GRIA1: variants seen among roughly 807,000 people sequenced by gnomAD.
GRIA1 encodes glutamate ionotropic receptor AMPA type subunit 1.
In GRIA1, 31 loss-of-function variants were observed where a neutral mutation model predicts 99.2. That is an observed-to-expected ratio of 0.31 (90% CI 0.23 to 0.42). The LOEUF (loss-of-function observed/expected upper bound fraction) is 0.42. Among genes scored for constraint, GRIA1 ranks in the 10% least tolerant of loss-of-function variants. The pLI is 1.00. For missense variants in GRIA1, 782 were observed against 1,157.5 expected (o/e 0.68, Z 4.71); for synonymous variants, 438 against 432.4 (o/e 1.01, Z -0.16).
intron 4 of GRIA1, among the ~76,000 whole-genome samples, chr5:153,655,353 C>G (rs566579503): frequency 1.9e-4 from 29 of 152,340 alleles, no homozygotes; most frequent in African/African-American, 7.0e-4. Flanking sequence ...TCTGACCATT[C>G]ATCCACCATC....
intron 11 of GRIA1, among the ~76,000 whole-genome samples, chr5:153,729,302 T>G (rs1005776711): frequency 2.0e-5 from 3 of 151,878 alleles, no homozygotes; most frequent in African/African-American, 7.3e-5. Flanking sequence ...AGTTAATGGG[T>G]GCAGCACACC....
intron 5 of GRIA1, among the ~76,000 whole-genome samples, chr5:153,661,725 T>C (rs1369827503): frequency 6.6e-6 from 1 of 152,232 alleles, no homozygotes; most frequent in Non-Finnish European, 1.5e-5. Flanking sequence ...TGCACCTACA[T>C]ATCAAATGTA....
chr5:153,619,588 G>A (rs1021882426), intron 2 of GRIA1, among the ~76,000 whole-genome samples: 6 of 152,070 alleles, frequency 3.9e-5, no homozygotes, highest in Non-Finnish European at 7.4e-5. Context: ...GAGCCAAATG[G>A]AAGGCTTATA....
At chr5:153,547,418 C>T (rs1242804273) in intron 2 of GRIA1, among the ~76,000 whole-genome samples, 10 of 152,122 alleles carry the variant, frequency 6.6e-5, no homozygotes, top group Admixed American at 5.9e-4. Flanking sequence ...GGAATATTTG[C>T]TAAGGATGGG....
Position 153,738,720 on chromosome 5 carries a change from C to CTTTTTTTTTTTTTTTTT in GRIA1, c.1824-25712_1824-25696dup, listed in dbSNP as rs55874747. On this transcript the variant is annotated intron_variant, in intron 11 of 15. Coordinates refer to ENST00000285900, the MANE Select transcript of GRIA1 (RefSeq NM_000827.4). ...TGTTGCGTGTTCATCTCCATACCTT[C>CTTTTTTTTTTTTTTTTT]TTTTTTTTTTTTTTTTTTGGAGAAG... is the stretch of plus-strand genomic sequence containing the variant. Among the ~76,000 whole-genome samples the CTTTTTTTTTTTTTTTTT allele has an allele frequency of 5.9e-4, 60 of 102,342 alleles. 5 individuals carry two copies. The highest frequency in any genetic ancestry group is 1.9e-3 in the African/African-American group (48 of 24,714). The allele number at this position is 102,342 out of a possible 152,430, so 67.1% of individuals were successfully genotyped here.
chr5:153,711,089 G>A (rs781017233), intron 11 of GRIA1, among the ~76,000 whole-genome samples: 10 of 152,182 alleles, frequency 6.6e-5, no homozygotes, highest in African/African-American at 2.2e-4. Context: ...TCAAGAGAAC[G>A]GAGGTTTGAG....
intron 2 of GRIA1, among the ~76,000 whole-genome samples, chr5:153,560,202 T>C (rs1488188295): frequency 6.6e-6 from 1 of 152,198 alleles, no homozygotes; most frequent in Non-Finnish European, 1.5e-5. Flanking sequence ...GTAGGAACAG[T>C]GTGCCAAGAG....
At chr5:153,809,807 G>A (rs557353271) in intron 15 of GRIA1, among the ~76,000 whole-genome samples, 220 of 152,292 alleles carry the variant, frequency 1.4e-3, no homozygotes, top group Non-Finnish European at 2.5e-3. Context: ...TATACTGCAC[G>A]AGTACAAGAT....
chr5:153,637,998 A>T (rs1195257158), intron 2 of GRIA1, among the ~76,000 whole-genome samples: 2 of 152,250 alleles, frequency 1.3e-5, no homozygotes, highest in African/African-American at 4.8e-5. Context: ...ATACACAAAA[A>T]GTTACTTGAT....
At chr5:153,808,238 C>A (rs1766570629) in intron 15 of GRIA1, among the ~76,000 whole-genome samples, 1 of 152,118 alleles carries the variant, frequency 6.6e-6, no homozygotes, top group Non-Finnish European at 1.5e-5. Flanking sequence ...ATCCCTTTGT[C>A]TCTGAATATC....
chr5:153,561,125 G>A (rs913195155), intron 2 of GRIA1, among the ~76,000 whole-genome samples: 8 of 152,168 alleles, frequency 5.3e-5, no homozygotes, highest in Non-Finnish European at 8.8e-5. Flanking sequence ...TTTAGTAAAC[G>A]TGGGGAAGGG....
intron 11 of GRIA1, among the ~76,000 whole-genome samples, chr5:153,760,937 G>C (rs988288879): frequency 6.6e-6 from 1 of 152,104 alleles, no homozygotes; most frequent in Non-Finnish European, 1.5e-5. Flanking sequence ...GGAAGGGATA[G>C]TCTCTTCAAT....
chr5:153,617,921 G>T (rs978914609), intron 2 of GRIA1, among the ~76,000 whole-genome samples: 8 of 152,202 alleles, frequency 5.3e-5, no homozygotes, highest in Non-Finnish European at 1.0e-4. Flanking sequence ...ACCATGCTTT[G>T]GGCTTCTCTG....
At chr5:153,764,689 A>G (rs1763397211) in intron 12 of GRIA1, 57 bp downstream of exon 12, 2 of 1,233,464 alleles carry the variant, frequency 1.6e-6, no homozygotes, top group Non-Finnish European at 1.2e-6. Context: ...AACTGTCATT[A>G]AAATGTCCTT....
At chr5:153,809,780 A>G (rs1248092479) in intron 15 of GRIA1, among the ~76,000 whole-genome samples, 1 of 152,256 alleles carries the variant, frequency 6.6e-6, no homozygotes, top group Admixed American at 6.5e-5. Flanking sequence ...TGGAGGCAGA[A>G]CCATTACAAG....
chr5:153,697,293 C>G (rs567607243), intron 8 of GRIA1, among the ~76,000 whole-genome samples: 1 of 152,342 alleles, frequency 6.6e-6, no homozygotes, highest in South Asian at 2.1e-4. Context: ...AGAGCAAGCC[C>G]TATCTCTCAG....
chr5:153,644,294 G>A (rs1753978474), intron 2 of GRIA1, among the ~76,000 whole-genome samples: 2 of 152,308 alleles, frequency 1.3e-5, no homozygotes, highest in African/African-American at 4.8e-5. Flanking sequence ...GCTGTGGATA[G>A]ATAGAGTGTA....
At chr5:153,642,748 G>A (rs1372887306) in intron 2 of GRIA1, among the ~76,000 whole-genome samples, 2 of 152,128 alleles carry the variant, frequency 1.3e-5, no homozygotes, top group Non-Finnish European at 2.9e-5. Context: ...GGAAGTCTGT[G>A]CATTAACCCA....
chr5:153,777,862 C>A (rs1764363441), intron 13 of GRIA1, among the ~76,000 whole-genome samples: 1 of 152,166 alleles, frequency 6.6e-6, no homozygotes, highest in African/African-American at 2.4e-5. Flanking sequence ...GCAGAGCCTG[C>A]TGCTGCTGAT....
Sources: allele counts gnomAD v4.1 joint callset (sites outside exome capture counted in the v4.1 genomes callset), GRCh38; gene constraint gnomAD v4.1.1; transcripts MANE v1.5; gene names NCBI Gene and HGNC (gene_info 2026-07-23, HGNC 2026-07-21).